The following AFF2 variants were observed in gnomAD, a reference collection of about 807,000 sequenced individuals.
The protein encoded by AFF2 is AF4/FMR2 family member 2.
A neutral mutation model predicts 76.9 loss-of-function variants in AFF2; 14 were observed. That is an observed-to-expected ratio of 0.18 (90% CI 0.12 to 0.28). The LOEUF (loss-of-function observed/expected upper bound fraction) is 0.28. Ranked by LOEUF, AFF2 falls within the 10% of genes least tolerant of loss-of-function variation. The probability of loss-of-function intolerance (pLI) is 1.00; values close to 1 mark genes in which losing one functional copy is unlikely to be tolerated. For missense variants in AFF2, 868 were observed against 1,001.1 expected, an observed-to-expected ratio of 0.87 and a Z score of 1.79; for synonymous variants, 398 against 366.7, an observed-to-expected ratio of 1.09 and a Z score of -0.98.
At chrX:148,919,758 T>A (rs1603340258) in intron 9 of AFF2, among the ~76,000 whole-genome samples, 2 of 111,155 alleles carry the variant, frequency 1.8e-5, no homozygotes, top group Admixed American at 9.5e-5. Flanking sequence ...ATTAGAAGGC[T>A]ATATACCCTT....
chrX:148,994,387 C>T lies in AFF2; in HGVS notation c.*3055C>T, dbSNP rs1028427177. 17 of 112,103 alleles carry T rather than the reference C, an allele frequency of 1.5e-4. No individual in the cohort carries two copies. Among genetic ancestry groups the T allele is most frequent in the African/African-American group, 4.2e-4 (13 of 30,762 alleles). 9.2% of individuals were successfully genotyped at this position (112,103 alleles called of 1,213,427 possible). On this transcript the variant is annotated 3_prime_UTR_variant, in exon 21 of 21. Transcript: ENST00000370460. ...AAAAGGGTTTACTAGTGTGGTCCTC[C>T]GGGTAGAATTTAGCTGTAAGCATGT...
chrX:148,948,220 T>C (rs3135482), intron 9 of AFF2, among the ~76,000 whole-genome samples: 1 of 112,318 alleles, frequency 8.9e-6, no homozygotes, highest in African/African-American at 3.2e-5. Flanking sequence ...GTCTGACTTA[T>C]AAAATAGCCT....
intron 3 of AFF2, among the ~76,000 whole-genome samples, chrX:148,703,684 C>T (rs1252578244): frequency 9.0e-6 from 1 of 111,551 alleles, no homozygotes; most frequent in Non-Finnish European, 1.9e-5. Flanking sequence ...GTATGGTTCA[C>T]AGCCTTTTCC....
intron 7 of AFF2, among the ~76,000 whole-genome samples, chrX:148,853,490 A>G (rs1250796745): frequency 9.0e-6 from 1 of 111,618 alleles, no homozygotes; most frequent in Non-Finnish European, 1.9e-5. Context: ...TCTGTAGCGA[A>G]TTGTGTTGTC....
At chrX:148,977,675 G>C (rs992294721) in intron 16 of AFF2, among the ~76,000 whole-genome samples, 7 of 107,854 alleles carry the variant, frequency 6.5e-5, no homozygotes, top group Admixed American at 5.0e-4. Flanking sequence ...TAATTCCACA[G>C]CATTGTCCTA....
intron 7 of AFF2, among the ~76,000 whole-genome samples, chrX:148,880,802 A>G (rs1340430974): frequency 1.8e-5 from 2 of 111,832 alleles, no homozygotes; most frequent in Non-Finnish European, 3.8e-5. Context: ...TTACAAGTCT[A>G]GTCTCTGAGT....
At chrX:148,887,123 A>G (rs999141713) in intron 8 of AFF2, among the ~76,000 whole-genome samples, 4 of 112,789 alleles carry the variant, frequency 3.5e-5, no homozygotes, top group Non-Finnish European at 5.6e-5. Context: ...GTAAAAAATA[A>G]TTGCATCTTT....
Position 148,977,854 on chromosome X carries a change from G to A in AFF2, c.3405-79G>A, listed in dbSNP as rs1167204882. ...ACAAATGTGGGAATAACTCATTCAG[G>A]CAATCAGAATACCAGTGACTTTAGG... is the stretch of plus-strand genomic sequence containing the variant. On this transcript the variant is annotated intron_variant, in intron 16 of 20. Transcript: ENST00000370460. 1.3e-5 allele frequency: 9 copies of A among 711,307 alleles called. No homozygotes were observed. The East Asian group carries it at 1.6e-4, about 13-fold the overall frequency. 58.6% of individuals were successfully genotyped at this position (711,307 alleles called of 1,213,427 possible).
At chrX:148,604,446 G>A (rs1320381289) in intron 1 of AFF2, among the ~76,000 whole-genome samples, 2 of 112,193 alleles carry the variant, frequency 1.8e-5, no homozygotes, top group Non-Finnish European at 3.8e-5. Flanking sequence ...AGGCTAAAGT[G>A]CAGTGGCACG....
At chrX:148,530,983 C>T (rs1451241208) in intron 1 of AFF2, among the ~76,000 whole-genome samples, 2 of 111,709 alleles carry the variant, frequency 1.8e-5, no homozygotes, top group African/African-American at 6.5e-5. Flanking sequence ...TTTGCCCTGG[C>T]TTTTTCTCTT....
intron 1 of AFF2, among the ~76,000 whole-genome samples, chrX:148,647,466 G>T (rs144989387): frequency 8.9e-6 from 1 of 111,756 alleles, no homozygotes; most frequent in East Asian, 2.8e-4. Context: ...CCCTCGCCCA[G>T]CCTCTTCCCC....
Position 148,981,475 on chromosome X carries a change from A to G in AFF2, c.3623+685A>G, listed in dbSNP as rs144465569. Among the ~76,000 whole-genome samples the G allele has an allele frequency of 4.3e-3, 474 of 110,982 alleles. 1 individual carries two copies. The highest frequency in any genetic ancestry group is 0.015 in the African/African-American group (457 of 30,548). ...CTTCCTCTATCTGGGCTTGTTCTTT[A>G]TCGCTAAAATGAAGGGGTTGGACCC... On this transcript the variant is annotated intron_variant, in intron 19 of 20. Transcript: ENST00000370460.
intron 2 of AFF2, among the ~76,000 whole-genome samples, chrX:148,660,153 C>A (rs1479865504): frequency 8.9e-6 from 1 of 111,950 alleles, no homozygotes. Flanking sequence ...TTATATTTCT[C>A]CTATTGCCCT....
At chrX:148,729,474 T>C (rs2055196654) in intron 3 of AFF2, among the ~76,000 whole-genome samples, 1 of 111,993 alleles carries the variant, frequency 8.9e-6, no homozygotes, top group Admixed American at 9.5e-5. Context: ...AATGTGACAC[T>C]ACAGACGTTA....
intron 1 of AFF2, among the ~76,000 whole-genome samples, chrX:148,625,247 A>G (rs1278488988): frequency 2.7e-5 from 3 of 111,346 alleles, no homozygotes; most frequent in African/African-American, 9.8e-5. Flanking sequence ...ACTTCTGGGC[A>G]TTCAGCTGCA....
chrX:148,541,052 G>C (rs2052848753), intron 1 of AFF2, among the ~76,000 whole-genome samples: 1 of 112,201 alleles, frequency 8.9e-6, no homozygotes, highest in African/African-American at 3.2e-5. Flanking sequence ...GATTTTATGA[G>C]GTGACATTTT....
In AFF2 at chrX:148,702,470, C is replaced by T. The variant is rs149799213; in HGVS notation, c.1041+39702C>T. On this transcript the variant is annotated intron_variant, in intron 3 of 20. Coordinates refer to ENST00000370460, the MANE Select transcript of AFF2 (RefSeq NM_002025.4). The stretch of plus-strand genomic sequence containing the variant: ...TCTTTTTTGGTAAATGCCACCATAC[C>T]GAGCCCTCATTTGTTCTTGTCTTTT... Among the ~76,000 whole-genome samples the T allele has an allele frequency of 5.1e-4, 57 of 111,374 alleles. No homozygotes were observed. The East Asian group carries it at 7.9e-3, about 15-fold the overall frequency.
At chrX:148,638,290 A>G (rs982583925) in intron 1 of AFF2, among the ~76,000 whole-genome samples, 1 of 111,452 alleles carries the variant, frequency 9.0e-6, no homozygotes, top group African/African-American at 3.3e-5. Flanking sequence ...ATGACAGGGG[A>G]GGCCCCTGAA....
chrX:148,629,701 C>T (rs995246640), intron 1 of AFF2, among the ~76,000 whole-genome samples: 11 of 111,831 alleles, frequency 9.8e-5, no homozygotes, highest in Non-Finnish European at 1.5e-4. Flanking sequence ...TGAACACTGA[C>T]ATGCTTCCTC....
Sources: allele counts gnomAD v4.1 joint callset (sites outside exome capture counted in the v4.1 genomes callset), GRCh38; gene constraint gnomAD v4.1.1; transcripts MANE v1.5; gene names NCBI Gene and HGNC (gene_info 2026-07-23, HGNC 2026-07-21).